NPEPPS: variants seen among roughly 807,000 people sequenced by gnomAD.
NPEPPS encodes the protein aminopeptidase puromycin sensitive.
Under a neutral mutation model 115.5 loss-of-function variants are expected in NPEPPS, and 14 were observed. The observed-to-expected ratio is 0.12, with a 90% CI of 0.08 to 0.19. The LOEUF (loss-of-function observed/expected upper bound fraction) is 0.19, where lower values mean the gene tolerates loss of function less well. Ranked by LOEUF, NPEPPS falls within the 10% of genes least tolerant of loss-of-function variation. The probability of loss-of-function intolerance (pLI) is 1.00; values close to 1 mark genes in which losing one functional copy is unlikely to be tolerated. For synonymous variants in NPEPPS, 285 were observed against 390.6 expected (o/e 0.73, Z 3.19); for missense variants, 523 against 1,110.8 (o/e 0.47, Z 7.52).
At chr17:47,566,952 T>C (rs113393171) in intron 2 of NPEPPS, among the ~76,000 whole-genome samples, 5 of 152,036 alleles carry the variant, frequency 3.3e-5, no homozygotes, top group Non-Finnish European at 7.4e-5. Flanking sequence ...TGGCGCCTCA[T>C]GCCTGTAGTC....
At position 47,602,450 on chromosome 17, in the gene NPEPPS, T is replaced by C. The variant is rs904834047; in HGVS notation, c.1740+703T>C. ...GAGTTCAAGAACAGCCTGACCAACA[T>C]GGTGAAACCCTGTCTCTACTAAAGA... On this transcript the variant is annotated intron_variant, in intron 15 of 22. Coordinates refer to ENST00000322157, the MANE Select transcript of NPEPPS (RefSeq NM_006310.4). Among the ~76,000 whole-genome samples the C allele has an allele frequency of 4.0e-5, 6 of 151,896 alleles. No individual in the cohort carries two copies. The South Asian group carries it at 1.2e-3, about 32-fold the overall frequency.
chr17:47,595,154 C>T (rs1042249867), intron 12 of NPEPPS, among the ~76,000 whole-genome samples: 1 of 152,176 alleles, frequency 6.6e-6, no homozygotes, highest in Non-Finnish European at 1.5e-5. Flanking sequence ...TGGTTTCGAA[C>T]TCCTGACCTC....
At chr17:47,581,683 G>GGTTGGTTTGTTT in intron 4 of NPEPPS, 1 of 149,916 alleles carries the variant, frequency 6.7e-6, no homozygotes, top group Non-Finnish European at 1.5e-5. Context: ...CTACCTCTTT[G>GGTTGGTTTGTTT]GTTTGTTTGT....
chr17:47,620,183 C>G (rs7207542), intron 22 of NPEPPS: 66,163 of 145,164 alleles, frequency 0.46, 15,822 homozygotes, highest in Middle Eastern at 0.55. Context: ...CATTGCACTC[C>G]AGCCTGGGTG....
At chr17:47,575,808 C>T (rs1911485122) in intron 3 of NPEPPS, among the ~76,000 whole-genome samples, 1 of 151,880 alleles carries the variant, frequency 6.6e-6, no homozygotes, top group Non-Finnish European at 1.5e-5. Context: ...TGGGGTTTCA[C>T]TGTGTTAGCC....
intron 1 of NPEPPS, among the ~76,000 whole-genome samples, chr17:47,537,187 TAAAAA>T (rs909743065): frequency 6.6e-6 from 1 of 151,842 alleles, no homozygotes; most frequent in Non-Finnish European, 1.5e-5. Flanking sequence ...GAAATTTTCT[TAAAAA>T]AAATTCATAT....
At chr17:47,599,653 T>G in intron 13 of NPEPPS, 23 bp from the exon 14 acceptor site, 1 of 1,552,020 alleles carries the variant, frequency 6.4e-7, no homozygotes, top group Non-Finnish European at 8.7e-7. Flanking sequence ...AGTACTATTA[T>G]AGCCTTTGTT....
chr17:47,613,509 C>T (rs531323648), intron 18 of NPEPPS, among the ~76,000 whole-genome samples, 160 bp from the exon 19 acceptor site: 2 of 152,098 alleles, frequency 1.3e-5, no homozygotes, highest in South Asian at 2.1e-4. Flanking sequence ...TCAGGTGATC[C>T]GCCTGCCTCG....
intron 13 of NPEPPS, among the ~76,000 whole-genome samples, chr17:47,598,945 T>G (rs1913031647): frequency 6.6e-6 from 1 of 152,088 alleles, no homozygotes; most frequent in Admixed American, 6.6e-5. Flanking sequence ...ACCTAGGAGT[T>G]TGAGATCATC....
At chr17:47,607,762 AAG>A (rs1332789141) in intron 17 of NPEPPS, among the ~76,000 whole-genome samples, 1 of 152,212 alleles carries the variant, frequency 6.6e-6, no homozygotes, top group Non-Finnish European at 1.5e-5. Context: ...GGTGGAAAGA[AAG>A]AGAAGTGTCA....
intron 1 of NPEPPS, among the ~76,000 whole-genome samples, chr17:47,536,060 A>G (rs952479129): frequency 3.3e-5 from 5 of 151,906 alleles, no homozygotes; most frequent in African/African-American, 1.2e-4. Flanking sequence ...GATGGTCTTG[A>G]TCTCCTGACC....
intron 12 of NPEPPS, 118 bp downstream of exon 12, chr17:47,592,663 A>G: frequency 1.1e-6 from 1 of 923,012 alleles, no homozygotes; most frequent in African/African-American, 1.7e-5. Flanking sequence ...TAAATAAATT[A>G]GCCTTATTTG....
In NPEPPS at chr17:47,550,004, G is replaced by A. The variant is rs572040717; in HGVS notation, c.340+4011G>A. ...GGCTGGAGTGCAGTGGCGCAGTCTC[G>A]GCTCACTGCAAGCTCTGCCTCCCGG... On this transcript the variant is annotated intron_variant, in intron 2 of 22. Transcript: ENST00000322157. 1.2e-3 allele frequency among the ~76,000 whole-genome samples: 184 copies of A among 149,172 alleles called. 1 individual carries two copies. The highest frequency in any genetic ancestry group is 4.2e-3 in the African/African-American group (171 of 40,642).
chr17:47,561,870 C>A (rs1483162952), intron 2 of NPEPPS, among the ~76,000 whole-genome samples: 1 of 152,224 alleles, frequency 6.6e-6, no homozygotes, highest in Non-Finnish European at 1.5e-5. Flanking sequence ...AACAGAGAGA[C>A]CTTGCTAGGT....
At chr17:47,584,572 G>A (rs909980217) in intron 5 of NPEPPS, among the ~76,000 whole-genome samples, 3 of 152,074 alleles carry the variant, frequency 2.0e-5, no homozygotes, top group African/African-American at 4.8e-5. Context: ...TATATTAAAC[G>A]GAAATATTCA....
chr17:47,566,100 G>A (rs1910796131), intron 2 of NPEPPS, among the ~76,000 whole-genome samples: 1 of 152,094 alleles, frequency 6.6e-6, no homozygotes, highest in African/African-American at 2.4e-5. Context: ...CTTCAGCAAT[G>A]CTCTTGCCTC....
chr17:47,620,084 C>A (rs1366659557), intron 22 of NPEPPS: 1 of 247,714 alleles, frequency 4.0e-6, no homozygotes, highest in Admixed American at 5.2e-5. Context: ...CATGGTGGTG[C>A]ACGCCTCTAA....
In NPEPPS at chr17:47,613,424, G is replaced by A. The variant is rs149162924; in HGVS notation, c.2239-245G>A. 4.8e-4 allele frequency among the ~76,000 whole-genome samples: 72 copies of A among 151,550 alleles called. 1 individual carries two copies. In the East Asian group the frequency reaches 0.012, roughly 25 times the overall value. On this transcript the variant is annotated intron_variant, in intron 18 of 22. Transcript: ENST00000322157. The stretch of plus-strand genomic sequence containing the variant: ...TGGGATTACAGGCACCTGCTACCAC[G>A]CCCAGCTAATTTTTGTATTTTTAGT...
intron 2 of NPEPPS, among the ~76,000 whole-genome samples, chr17:47,562,430 A>G (rs1249776361): frequency 6.6e-6 from 1 of 152,192 alleles, no homozygotes; most frequent in Non-Finnish European, 1.5e-5. Context: ...AGAAATCCCC[A>G]CACATTTGGT....
Sources: gnomAD v4.1 joint callset for allele counts (sites outside exome capture counted in the v4.1 genomes callset) on GRCh38, gnomAD v4.1.1 for gene constraint, MANE v1.5 for transcripts, NCBI Gene and HGNC (gene_info 2026-07-23, HGNC 2026-07-21) for gene names.